Variants in KDM4C observed in about 807,000 individuals in gnomAD.
The protein encoded by KDM4C is lysine demethylase 4C, also known as lysine-specific demethylase 4C.
KDM4C carries 81 observed loss-of-function variants against 129.3 expected under a neutral mutation model. The ratio of observed to expected loss-of-function variants is 0.63; its 90% confidence interval spans 0.52 to 0.75. The LOEUF (loss-of-function observed/expected upper bound fraction) is 0.75. Ranked by LOEUF, KDM4C falls within the 30% of genes least tolerant of loss-of-function variation. The probability of loss-of-function intolerance (pLI) is 0.00; values close to 1 mark genes in which losing one functional copy is unlikely to be tolerated. For missense variants in KDM4C, 1,457 were observed against 1,304.0 expected (o/e 1.12, Z -1.81); for synonymous variants, 573 against 456.1 (o/e 1.26, Z -3.26).
intron 8 of KDM4C, among the ~76,000 whole-genome samples, chr9:6,977,699 A>C (rs533060227): frequency 7.2e-5 from 11 of 152,196 alleles, no homozygotes; most frequent in Admixed American, 3.9e-4. Flanking sequence ...TGTTTGCTCT[A>C]GATGTGAAGC....
intron 2 of KDM4C, among the ~76,000 whole-genome samples, chr9:6,795,577 C>T (rs557714276): frequency 5.3e-5 from 8 of 152,248 alleles, no homozygotes; most frequent in East Asian, 1.9e-4. Context: ...AATGACCTGC[C>T]TTCCTTGGCC....
At chr9:6,924,688 A>G in intron 8 of KDM4C, 3 of 791,578 alleles carry the variant, frequency 3.8e-6, no homozygotes, top group Non-Finnish European at 4.6e-6. Context: ...CTGCTGGGGT[A>G]CCGATGCATA....
intron 19 of KDM4C, among the ~76,000 whole-genome samples, chr9:7,161,558 C>T (rs982528951): frequency 1.3e-5 from 2 of 152,168 alleles, no homozygotes; most frequent in Non-Finnish European, 2.9e-5. Context: ...CTCTGAAGCC[C>T]TCATAGATCT....
At chr9:6,966,461 C>T (rs1024566421) in intron 8 of KDM4C, among the ~76,000 whole-genome samples, 13 of 152,210 alleles carry the variant, frequency 8.5e-5, no homozygotes, top group Admixed American at 3.3e-4. Context: ...TGAGCCACCG[C>T]GCCGGGCCTC....
At chr9:6,908,015 G>C (rs1327787631) in intron 8 of KDM4C, among the ~76,000 whole-genome samples, 1 of 152,124 alleles carries the variant, frequency 6.6e-6, no homozygotes, top group Non-Finnish European at 1.5e-5. Flanking sequence ...AAAGTCCTTT[G>C]TAAGGAATGG....
chr9:6,817,425 A>C (rs1395725192), intron 4 of KDM4C, among the ~76,000 whole-genome samples: 1 of 152,014 alleles, frequency 6.6e-6, no homozygotes, highest in Admixed American at 6.6e-5. Context: ...CGCTGGTCTC[A>C]AACTCCTGGG....
intron 15 of KDM4C, among the ~76,000 whole-genome samples, chr9:7,037,440 A>G (rs947741425): frequency 1.3e-5 from 2 of 152,206 alleles, no homozygotes; most frequent in African/African-American, 4.8e-5. Flanking sequence ...ATATTACAAC[A>G]ATGCTGTTCT....
chr9:6,976,942 C>T (rs893874090), intron 8 of KDM4C, among the ~76,000 whole-genome samples: 1 of 152,042 alleles, frequency 6.6e-6, no homozygotes, highest in Non-Finnish European at 1.5e-5. Context: ...GATATCTACT[C>T]AGGCATCACC....
At chr9:7,067,360 C>G (rs934487945) in intron 17 of KDM4C, among the ~76,000 whole-genome samples, 13 of 152,242 alleles carry the variant, frequency 8.5e-5, no homozygotes, top group African/African-American at 2.9e-4. Context: ...GTAACTTCAG[C>G]TTGCTGTACA....
chr9:6,805,674 C>A lies in KDM4C; in HGVS notation c.220C>A (p.Gln74Lys). The change falls in exon 3 of 22, where the codon CAG becomes AAG. Residue 74 changes from glutamine (Q) to lysine (K), a missense_variant. Gln to Lys is a moderately conservative substitution (Grantham distance 53). Transcript: ENST00000381309. ...TAATTTGCTCATTCCAGCACCAATT[C>A]AGCAGATGGTCACAGGGCAGTCAGG... ...IDNLLIPAPIQQMVTGQSGLF... is the reference protein window; with the variant it reads ...IDNLLIPAPIKQMVTGQSGLF... 2 of 1,614,034 alleles carry A rather than the reference C, an allele frequency of 1.2e-6. No individual in the cohort carries two copies. Among genetic ancestry groups the A allele is most frequent in the Non-Finnish European group, 1.7e-6 (2 of 1,179,948 alleles).
Position 6,980,913 on chromosome 9 carries a change from G to T in KDM4C, c.922-12G>T, listed in dbSNP as rs368863009. The T allele has an allele frequency of 4.6e-5, 74 of 1,612,860 alleles. No individual in the cohort carries two copies. The highest frequency in any genetic ancestry group is 6.2e-5 in the Non-Finnish European group (73 of 1,179,324). ...GAAACGTTTAACACTCTCCAACCCG[G>T]TTGTGTTTCAGTGCACTTGCAGGAA... is the stretch of plus-strand genomic sequence containing the variant. On this transcript the variant is annotated splice_polypyrimidine_tract_variant and intron_variant, in intron 8 of 21. Coordinates refer to ENST00000381309, the MANE Select transcript of KDM4C (RefSeq NM_015061.6).
chr9:7,014,915 A>AAC (rs55864882), intron 14 of KDM4C, among the ~76,000 whole-genome samples: 34,668 of 145,996 alleles, frequency 0.24, 4,268 homozygotes, highest in Middle Eastern at 0.31. Context: ...GGCAATTTGT[A>AAC]ACACACACAC....
intron 8 of KDM4C, among the ~76,000 whole-genome samples, chr9:6,970,606 G>A (rs904754636): frequency 6.6e-6 from 1 of 152,168 alleles, no homozygotes; most frequent in African/African-American, 2.4e-5. Flanking sequence ...TGAAGGAAAG[G>A]CTTGTAATTT....
chr9:6,798,402 G>T (rs550130207), intron 2 of KDM4C, among the ~76,000 whole-genome samples: 82 of 152,080 alleles, frequency 5.4e-4, no homozygotes, highest in African/African-American at 1.8e-3. Context: ...CAGAGTGTTT[G>T]TGTCCCTGGG....
chr9:6,773,798 G>A (rs912285998), intron 1 of KDM4C, among the ~76,000 whole-genome samples: 1 of 149,810 alleles, frequency 6.7e-6, no homozygotes, highest in Non-Finnish European at 1.5e-5. Context: ...TATAGGTATT[G>A]TAGATGTGTT....
At chr9:6,810,539 AT>A (rs1830959301) in intron 3 of KDM4C, among the ~76,000 whole-genome samples, 1 of 152,196 alleles carries the variant, frequency 6.6e-6, no homozygotes, top group Non-Finnish European at 1.5e-5. Context: ...ATGGGAAATT[AT>A]TTGAAAAATT....
At chr9:6,903,443 CT>C (rs1817741781) in intron 8 of KDM4C, among the ~76,000 whole-genome samples, 1 of 152,108 alleles carries the variant, frequency 6.6e-6, no homozygotes, top group Non-Finnish European at 1.5e-5. Context: ...ACTGTGTTCT[CT>C]TGGCAGGAAT....
intron 1 of KDM4C, among the ~76,000 whole-genome samples, chr9:6,786,373 A>T (rs944363599): frequency 6.6e-6 from 1 of 152,212 alleles, no homozygotes; most frequent in Non-Finnish European, 1.5e-5. Flanking sequence ...TCTTTAGCTT[A>T]TTAAAAAAAT....
At chr9:6,980,155 C>A (rs1816521533) in intron 8 of KDM4C, among the ~76,000 whole-genome samples, 1 of 152,154 alleles carries the variant, frequency 6.6e-6, no homozygotes. Flanking sequence ...TATGCACCAC[C>A]ATTTGAATGA....
Sources: allele counts gnomAD v4.1 joint callset (sites outside exome capture counted in the v4.1 genomes callset), GRCh38; gene constraint gnomAD v4.1.1; transcripts MANE v1.5; gene names NCBI Gene and HGNC (gene_info 2026-07-23, HGNC 2026-07-21).